The following SOBP variants were observed in gnomAD, a reference collection of about 807,000 sequenced individuals.
SOBP encodes the protein sine oculis-binding protein homolog.
In SOBP, 4 loss-of-function variants were observed where a neutral mutation model predicts 53.6. That is an observed-to-expected ratio of 0.07 (90% CI 0.04 to 0.17). SOBP has a LOEUF of 0.17. Among genes scored for constraint, SOBP ranks in the 10% least tolerant of loss-of-function variants. The pLI is 1.00. For missense variants in SOBP, 1,088 were observed against 1,204.7 expected, an observed-to-expected ratio of 0.90 and a Z score of 1.43; for synonymous variants, 584 against 522.6, an observed-to-expected ratio of 1.12 and a Z score of -1.60.
chr6:107,505,764 T>C (rs1185716747), intron 2 of SOBP, among the ~76,000 whole-genome samples: 2 of 151,788 alleles, frequency 1.3e-5, no homozygotes, highest in Non-Finnish European at 2.9e-5. Flanking sequence ...GATTCTCTTG[T>C]CTCAGCCTCC....
At chr6:107,498,478 G>A (rs1183885482) in intron 1 of SOBP, among the ~76,000 whole-genome samples, 3 of 152,174 alleles carry the variant, frequency 2.0e-5, no homozygotes, top group Middle Eastern at 6.8e-3. Flanking sequence ...GGTATTTTGC[G>A]AATTTGTAAT....
At chr6:107,653,762 T>C (rs989300844) in intron 6 of SOBP, among the ~76,000 whole-genome samples, 2 of 152,184 alleles carry the variant, frequency 1.3e-5, no homozygotes, top group Admixed American at 6.5e-5. Flanking sequence ...AAGAGCTAGT[T>C]TGGAAATGTT....
Position 107,612,567 on chromosome 6 carries a change from C to G in SOBP, c.670-20947C>G, listed in dbSNP as rs185123770. Among the ~76,000 whole-genome samples the G allele has an allele frequency of 2.6e-3, 401 of 151,996 alleles. 5 individuals carry two copies. The highest frequency in any genetic ancestry group is 9.0e-4 in the Non-Finnish European group (61 of 67,970). On this transcript the variant is annotated intron_variant, in intron 5 of 6. Coordinates refer to ENST00000317357, the MANE Select transcript of SOBP (RefSeq NM_018013.4). ...TGAACCAGAAACTGGAGAGTGGGGC[C>G]CAGGAATCTGTGGGCTAATTTTTTT...
Position 107,634,857 on chromosome 6 carries a change from G to C in SOBP, c.2013G>C (p.Ala671=). ...GGCTGCACAACGTGATCCACCGCGCGCTGCACGCGCACGTCAAGGCGGAGC... is the reference window on the plus strand; with the variant it reads ...GGCTGCACAACGTGATCCACCGCGCCCTGCACGCGCACGTCAAGGCGGAGC... ...RARLHNVIHR[A]LHAHVKAERE... Residue 671 remains alanine (A), a synonymous_variant, in exon 6 of 7, where the codon GCG becomes GCC. Coordinates refer to ENST00000317357, the MANE Select transcript of SOBP (RefSeq NM_018013.4). The surrounding 1 kb of genome is among the most constrained non-coding windows in gnomAD (Gnocchi z 4.5). The C allele has an allele frequency of 7.2e-7, 1 of 1,390,334 alleles. No homozygotes were observed. The highest frequency in any genetic ancestry group is 9.4e-7 in the Non-Finnish European group (1 of 1,066,884). The allele number at this position is 1,390,334 out of a possible 1,614,324, so 86.1% of individuals were successfully genotyped here. A position where few individuals can be genotyped will look rare whatever the true frequency, so the allele number is the denominator to read the frequency against.
intron 1 of SOBP, among the ~76,000 whole-genome samples, chr6:107,500,647 A>G (rs112950487): frequency 0.13 from 19,364 of 151,226 alleles, 1,619 homozygotes; most frequent in East Asian, 0.3. Flanking sequence ...TCAGCCTCCC[A>G]AGTAGCTGGG....
chr6:107,614,320 G>A (rs1449326161), intron 5 of SOBP, among the ~76,000 whole-genome samples: 2 of 152,162 alleles, frequency 1.3e-5, no homozygotes, highest in African/African-American at 2.4e-5. Flanking sequence ...GATCCCTTGA[G>A]CCCAGTAGGT....
At chr6:107,643,714 C>T (rs2115167410) in intron 6 of SOBP, among the ~76,000 whole-genome samples, 1 of 152,248 alleles carries the variant, frequency 6.6e-6, no homozygotes, top group Admixed American at 6.5e-5. Context: ...CCACCATGCC[C>T]AGCCTTTATA....
chr6:107,625,641 C>G (rs1770427509), intron 5 of SOBP, among the ~76,000 whole-genome samples: 1 of 152,174 alleles, frequency 6.6e-6, no homozygotes, highest in African/African-American at 2.4e-5. Context: ...CACCCATCAC[C>G]AGGGTGAGAT....
Position 107,633,831 on chromosome 6 carries a change from C to A in SOBP, c.987C>A (p.Ser329=). 1 of 1,614,154 alleles carries A rather than the reference C, an allele frequency of 6.2e-7. No homozygotes were observed. Among genetic ancestry groups the A allele is most frequent in the Non-Finnish European group, 8.5e-7 (1 of 1,180,020 alleles). ...GCCAGGGCCCTGGCCCGTCGGCGTC[C>A]ACCACCGTCTCTCCATCTGACACTG... is the stretch of plus-strand genomic sequence containing the variant. ...GQSQGPGPSA[S]TTVSPSDTAN... Residue 329 remains serine (S), a synonymous_variant, in exon 6 of 7, where the codon TCC becomes TCA. Transcript: ENST00000317357.
At chr6:107,559,086 A>G (rs1445775800) in intron 4 of SOBP, among the ~76,000 whole-genome samples, 1 of 152,172 alleles carries the variant, frequency 6.6e-6, no homozygotes, top group Non-Finnish European at 1.5e-5. Context: ...TGCTGAATGA[A>G]TAGATAAACT....
chr6:107,538,517 T>C, intron 4 of SOBP, among the ~76,000 whole-genome samples: 1 of 152,182 alleles, frequency 6.6e-6, no homozygotes, highest in East Asian at 1.9e-4. Flanking sequence ...GCCCCAGGGT[T>C]CTTCCTGTGG....
At chr6:107,603,547 C>T (rs949454579) in intron 5 of SOBP, among the ~76,000 whole-genome samples, 2 of 152,176 alleles carry the variant, frequency 1.3e-5, no homozygotes, top group African/African-American at 2.4e-5. Context: ...CTGATGTTTA[C>T]AGACATGCCA....
At chr6:107,607,067 C>T (rs1786411219) in intron 5 of SOBP, among the ~76,000 whole-genome samples, 2 of 152,178 alleles carry the variant, frequency 1.3e-5, no homozygotes, top group South Asian at 4.2e-4. Context: ...ACCTTAAGTC[C>T]AGTCCCAGGG....
chr6:107,622,434 C>A (rs1273645036), intron 5 of SOBP, among the ~76,000 whole-genome samples: 1 of 152,198 alleles, frequency 6.6e-6, no homozygotes, highest in Admixed American at 6.5e-5. Context: ...TGGGATGATA[C>A]AAGAAGAGAT....
At chr6:107,528,244 G>A (rs538229197) in intron 3 of SOBP, among the ~76,000 whole-genome samples, 5 of 152,286 alleles carry the variant, frequency 3.3e-5, no homozygotes, top group African/African-American at 1.2e-4. Flanking sequence ...TGACCTTCTA[G>A]TGGTAGAATT....
chr6:107,630,937 T>C (rs1386705954), intron 5 of SOBP, among the ~76,000 whole-genome samples: 1 of 152,218 alleles, frequency 6.6e-6, no homozygotes, highest in Non-Finnish European at 1.5e-5. Flanking sequence ...TGTCTGTAAT[T>C]CTTTTTATGT....
In SOBP at chr6:107,507,323, G is replaced by A. The variant is rs138737145; in HGVS notation, c.421+896G>A. The stretch of plus-strand genomic sequence containing the variant: ...TGAGATTTAAATTTTTTTGTTTTTT[G>A]AGACAGAGTTTCGCTCTTCTCACCC... On this transcript the variant is annotated intron_variant, in intron 3 of 6. Transcript: ENST00000317357. Among the ~76,000 whole-genome samples the A allele has an allele frequency of 4.4e-4, 67 of 151,800 alleles. 1 individual carries two copies. The highest frequency in any genetic ancestry group is 3.4e-3 in the Middle Eastern group (1 of 292).
intron 5 of SOBP, among the ~76,000 whole-genome samples, chr6:107,617,525 C>T (rs796436892): frequency 5.3e-5 from 8 of 152,234 alleles, no homozygotes; most frequent in Admixed American, 2.0e-4. Context: ...GTGTGACTCC[C>T]GTTTACTGCG....
intron 5 of SOBP, among the ~76,000 whole-genome samples, chr6:107,628,335 C>T (rs931262461): frequency 3.3e-5 from 5 of 152,164 alleles, no homozygotes; most frequent in Non-Finnish European, 7.3e-5. Context: ...TCCCTGCAGA[C>T]AGCTCCTCTG....
Sources: allele counts gnomAD v4.1 joint callset (sites outside exome capture counted in the v4.1 genomes callset), GRCh38; gene constraint gnomAD v4.1.1; non-coding constraint Gnocchi (gnomAD v3.1); transcripts MANE v1.5; gene names NCBI Gene and HGNC (gene_info 2026-07-23, HGNC 2026-07-21).